The following NUBPL variants were observed in gnomAD, a reference collection of about 807,000 sequenced individuals.
NUBPL encodes iron-sulfur cluster transfer protein NUBPL.
NUBPL carries 31 observed loss-of-function variants against 45.7 expected under a neutral mutation model. That is an observed-to-expected ratio of 0.68 (90% CI 0.51 to 0.92). The LOEUF (loss-of-function observed/expected upper bound fraction) is 0.92. Ranked by LOEUF, NUBPL falls within the 40% of genes least tolerant of loss-of-function variation. NUBPL has a pLI of 0.00. For missense variants in NUBPL, 401 were observed against 398.7 expected (o/e 1.01, Z -0.05); for synonymous variants, 144 against 140.9 (o/e 1.02, Z -0.15).
chr14:31,820,819 C>T (rs1281966101), intron 7 of NUBPL, among the ~76,000 whole-genome samples: 6 of 141,832 alleles, frequency 4.2e-5, no homozygotes, highest in Non-Finnish European at 9.1e-5. Flanking sequence ...AGCAAGACTC[C>T]GTCTCAAAAA....
At chr14:31,741,538 T>G (rs2038284488) in intron 6 of NUBPL, among the ~76,000 whole-genome samples, 1 of 152,080 alleles carries the variant, frequency 6.6e-6, no homozygotes, top group African/African-American at 2.4e-5. Context: ...AATAGCTACT[T>G]CCCCCTTCCT....
intron 4 of NUBPL, among the ~76,000 whole-genome samples, chr14:31,600,245 T>G (rs538780434): frequency 1.3e-5 from 2 of 152,240 alleles, no homozygotes; most frequent in East Asian, 3.9e-4. Context: ...TTGGCAATCA[T>G]TTGTATCCAT....
At chr14:31,765,196 T>C (rs2038889567) in intron 6 of NUBPL, among the ~76,000 whole-genome samples, 1 of 152,252 alleles carries the variant, frequency 6.6e-6, no homozygotes, top group South Asian at 2.1e-4. Context: ...TCCTTTGTTA[T>C]TTTAAAATTG....
chr14:31,770,551 GT>G (rs2038991012), intron 6 of NUBPL, among the ~76,000 whole-genome samples: 1 of 152,188 alleles, frequency 6.6e-6, no homozygotes, highest in Admixed American at 6.5e-5. Flanking sequence ...AATTGAGGAA[GT>G]TACGAAACTT....
intron 7 of NUBPL, among the ~76,000 whole-genome samples, chr14:31,818,368 C>T (rs1018199761): frequency 3.3e-5 from 5 of 152,318 alleles, no homozygotes; most frequent in South Asian, 2.1e-4. Flanking sequence ...TTCTTAGCAC[C>T]ACATCGCACT....
intron 6 of NUBPL, among the ~76,000 whole-genome samples, chr14:31,718,810 T>C (rs2037744374): frequency 6.6e-6 from 1 of 152,182 alleles, no homozygotes; most frequent in Non-Finnish European, 1.5e-5. Flanking sequence ...AGATTAGTGT[T>C]TGCTGAGCTG....
At chr14:31,730,003 ATTAAG>A (rs915780781) in intron 6 of NUBPL, among the ~76,000 whole-genome samples, 7 of 152,210 alleles carry the variant, frequency 4.6e-5, no homozygotes, top group Middle Eastern at 3.4e-3. Context: ...GATCCTTTTT[ATTAAG>A]TTAAGGGTGT....
At chr14:31,602,196 A>G (rs1278564428) in intron 4 of NUBPL, among the ~76,000 whole-genome samples, 1 of 151,990 alleles carries the variant, frequency 6.6e-6, no homozygotes, top group African/African-American at 2.4e-5. Context: ...CAATGAGAAC[A>G]CATGGACACA....
chr14:31,820,945 A>T lies in NUBPL; in HGVS notation c.608-5684A>T, dbSNP rs188754712. On this transcript the variant is annotated intron_variant, in intron 7 of 10. Transcript: ENST00000281081. Reference sequence around the variant, plus strand: ...AGACCAGCCTGACCAACATGGAGAAACCCCATCTCTACTAAATAAATACAA... The same window carrying T: ...AGACCAGCCTGACCAACATGGAGAATCCCCATCTCTACTAAATAAATACAA... Among the ~76,000 whole-genome samples, 274 of 151,340 alleles carry T rather than the reference A, an allele frequency of 1.8e-3. 2 individuals are homozygous for T. Among genetic ancestry groups the T allele is most frequent in the African/African-American group, 6.3e-3 (260 of 41,156 alleles).
At chr14:31,814,586 G>A (rs2138920131) in intron 7 of NUBPL, among the ~76,000 whole-genome samples, 1 of 151,956 alleles carries the variant, frequency 6.6e-6, no homozygotes, top group South Asian at 2.1e-4. Flanking sequence ...ATTGCTTTTG[G>A]TGTTTTAATC....
chr14:31,698,424 G>A (rs978184377), intron 6 of NUBPL, among the ~76,000 whole-genome samples: 36 of 150,866 alleles, frequency 2.4e-4, no homozygotes, highest in African/African-American at 8.1e-4. Flanking sequence ...ACTTGTTTTA[G>A]TAACATCCTC....
chr14:31,727,467 A>G (rs1011525957), intron 6 of NUBPL, among the ~76,000 whole-genome samples: 1 of 152,238 alleles, frequency 6.6e-6, no homozygotes, highest in South Asian at 2.1e-4. Context: ...CATAAGGTAT[A>G]ACAGCAGAAA....
intron 6 of NUBPL, among the ~76,000 whole-genome samples, chr14:31,749,393 T>C (rs2038472399): frequency 1.3e-5 from 2 of 152,232 alleles, no homozygotes; most frequent in South Asian, 2.1e-4. Flanking sequence ...GCTGGTCTTA[T>C]GGTGATGAAT....
chr14:31,828,689 A>C (rs999506096), intron 8 of NUBPL, among the ~76,000 whole-genome samples: 1 of 152,176 alleles, frequency 6.6e-6, no homozygotes, highest in African/African-American at 2.4e-5. Flanking sequence ...AAAGTCCTAC[A>C]TGGACTTTGC....
At chr14:31,564,308 C>T (rs1329235410) in intron 2 of NUBPL, among the ~76,000 whole-genome samples, 2 of 152,104 alleles carry the variant, frequency 1.3e-5, no homozygotes, top group African/African-American at 4.8e-5. Flanking sequence ...TTTCCCTTCC[C>T]TCTGTGCACA....
Position 31,838,378 on chromosome 14 carries a change from A to C in NUBPL, c.694-8093A>C, listed in dbSNP as rs115986994. The stretch of plus-strand genomic sequence containing the variant: ...TCTGGAAACAACCCAAATGACCCAA[A>C]AGGAGAATGGATATTTGTGGTATAG... On this transcript the variant is annotated intron_variant, in intron 8 of 10. Coordinates refer to ENST00000281081, the MANE Select transcript of NUBPL (RefSeq NM_025152.3). 6.6e-3 allele frequency among the ~76,000 whole-genome samples: 1,007 copies of C among 152,128 alleles called. 13 individuals carry two copies. Among genetic ancestry groups the C allele is most frequent in the African/African-American group, 0.023 (947 of 41,470 alleles).
chr14:31,815,871 G>C (rs1216998726), intron 7 of NUBPL, among the ~76,000 whole-genome samples: 3 of 152,136 alleles, frequency 2.0e-5, no homozygotes, highest in African/African-American at 7.2e-5. Flanking sequence ...AGCCTTGCAT[G>C]CCAGGGATGA....
At chr14:31,724,824 C>A (rs1361922708) in intron 6 of NUBPL, among the ~76,000 whole-genome samples, 1 of 151,986 alleles carries the variant, frequency 6.6e-6, no homozygotes, top group Non-Finnish European at 1.5e-5. Flanking sequence ...GATTAATGAT[C>A]CATGCTTTGG....
chr14:31,803,804 A>C (rs1055025801), intron 7 of NUBPL, among the ~76,000 whole-genome samples: 20 of 152,234 alleles, frequency 1.3e-4, no homozygotes, highest in Admixed American at 9.8e-4. Flanking sequence ...TTCATCTTTT[A>C]AGACATTCCT....
Sources: gnomAD v4.1 joint callset for allele counts (sites outside exome capture counted in the v4.1 genomes callset) on GRCh38, gnomAD v4.1.1 for gene constraint, MANE v1.5 for transcripts, NCBI Gene and HGNC (gene_info 2026-07-23, HGNC 2026-07-21) for gene names.